The following PARVA variants were observed in gnomAD, a reference collection of about 807,000 sequenced individuals.
PARVA encodes alpha-parvin.
A neutral mutation model predicts 52.6 loss-of-function variants in PARVA; 25 were observed. The observed-to-expected ratio is 0.48, with a 90% confidence interval of 0.35 to 0.66. The LOEUF is 0.66. Ranked by LOEUF, PARVA falls within the 30% of genes least tolerant of loss-of-function variation. PARVA has a pLI of 0.01. For missense variants in PARVA, 373 were observed against 450.9 expected, an observed-to-expected ratio of 0.83 and a Z score of 1.56; for synonymous variants, 185 against 179.1, an observed-to-expected ratio of 1.03 and a Z score of -0.26.
chr11:12,449,820 G>T (rs1940599810), intron 1 of PARVA, among the ~76,000 whole-genome samples: 1 of 152,182 alleles, frequency 6.6e-6, no homozygotes. Context: ...CACAACAAGG[G>T]ATTATCCTGT....
intron 8 of PARVA, among the ~76,000 whole-genome samples, chr11:12,512,230 G>A (rs1941511610): frequency 6.6e-6 from 1 of 152,202 alleles, no homozygotes; most frequent in Non-Finnish European, 1.5e-5. Context: ...AATAAAGGAA[G>A]ACATGCATGA....
At chr11:12,494,894 A>T (rs1266250463) in intron 4 of PARVA, among the ~76,000 whole-genome samples, 2 of 152,210 alleles carry the variant, frequency 1.3e-5, no homozygotes, top group Non-Finnish European at 2.9e-5. Context: ...TTTGCCTCTG[A>T]GCCAAGATAA....
At chr11:12,431,692 T>C (rs2134994712) in intron 1 of PARVA, among the ~76,000 whole-genome samples, 1 of 152,364 alleles carries the variant, frequency 6.6e-6, no homozygotes, top group Non-Finnish European at 1.5e-5. Context: ...GACCCTGTGC[T>C]CAGCTGGGCC....
rs370087929 is a variant in PARVA, at chr11:12,482,506, A to G, written c.400+4557A>G. Among the ~76,000 whole-genome samples the G allele has an allele frequency of 2.2e-4, 34 of 151,358 alleles. No homozygotes were observed. The East Asian group carries it at 6.1e-3, about 27-fold the overall frequency. ...CCAGGCGTGGTGGTGGGCACCTGCA[A>G]TCCCAGCTACTTGGGAGGCTGAGGC... On this transcript the variant is annotated intron_variant, in intron 4 of 12. Coordinates refer to ENST00000334956, the MANE Select transcript of PARVA (RefSeq NM_018222.5).
chr11:12,463,301 C>G (rs1013269695), intron 1 of PARVA, among the ~76,000 whole-genome samples: 13 of 152,096 alleles, frequency 8.5e-5, no homozygotes, highest in African/African-American at 3.1e-4. Context: ...TTAACATACT[C>G]TATCTGTTCC....
At chr11:12,380,279 T>G (rs564061506) in intron 1 of PARVA, among the ~76,000 whole-genome samples, 1 of 142,800 alleles carries the variant, frequency 7.0e-6, no homozygotes, top group East Asian at 1.9e-4. Context: ...TAAGAAGGGA[T>G]GCTGAGGTCC....
intron 1 of PARVA, among the ~76,000 whole-genome samples, chr11:12,441,929 A>G (rs1332197450): frequency 6.6e-6 from 1 of 152,252 alleles, no homozygotes; most frequent in African/African-American, 2.4e-5. Flanking sequence ...GTCAAAAAAT[A>G]GCATGTGGTA....
chr11:12,384,714 G>T (rs1939546267), intron 1 of PARVA, among the ~76,000 whole-genome samples: 2 of 152,260 alleles, frequency 1.3e-5, no homozygotes, highest in Admixed American at 6.5e-5. Context: ...CAGATGCAAA[G>T]ACCTTGGGGC....
chr11:12,393,482 CATTGTTTTTG>C (rs1939691357), intron 1 of PARVA, among the ~76,000 whole-genome samples: 1 of 152,134 alleles, frequency 6.6e-6, no homozygotes, highest in Non-Finnish European at 1.5e-5. Flanking sequence ...AACCTGGTGG[CATTGTTTTTG>C]ATTGAGTTGT....
intron 1 of PARVA, among the ~76,000 whole-genome samples, chr11:12,459,602 T>A (rs1589965517): frequency 6.6e-6 from 1 of 152,228 alleles, no homozygotes; most frequent in East Asian, 1.9e-4. Flanking sequence ...TACCTAAACG[T>A]TCAACAGTTA....
intron 12 of PARVA, among the ~76,000 whole-genome samples, chr11:12,521,509 G>A (rs77269431): frequency 0.025 from 3,814 of 152,232 alleles, 122 homozygotes; most frequent in South Asian, 0.11. Context: ...TTTGTAATAC[G>A]CTATAAAATA....
intron 12 of PARVA, among the ~76,000 whole-genome samples, chr11:12,525,200 G>A (rs1941685242): frequency 6.6e-6 from 1 of 152,176 alleles, no homozygotes; most frequent in Admixed American, 6.5e-5. Flanking sequence ...CACAATTTAG[G>A]ATTTTGGACC....
At chr11:12,395,468 G>A (rs775508904) in intron 1 of PARVA, among the ~76,000 whole-genome samples, 3 of 152,160 alleles carry the variant, frequency 2.0e-5, no homozygotes, top group Non-Finnish European at 2.9e-5. Flanking sequence ...GAAGATGAGC[G>A]CCGGAGCCTC....
At chr11:12,389,328 A>T (rs997345410) in intron 1 of PARVA, among the ~76,000 whole-genome samples, 4 of 152,056 alleles carry the variant, frequency 2.6e-5, no homozygotes, top group African/African-American at 9.7e-5. Context: ...TGCCCTGGGG[A>T]CTGCCATCCT....
At chr11:12,452,017 A>G (rs1390057215) in intron 1 of PARVA, among the ~76,000 whole-genome samples, 1 of 151,884 alleles carries the variant, frequency 6.6e-6, no homozygotes, top group Non-Finnish European at 1.5e-5. Flanking sequence ...CCTTTTCCAA[A>G]AGGGTGAAGT....
intron 4 of PARVA, among the ~76,000 whole-genome samples, chr11:12,495,778 G>A (rs1451862665): frequency 6.6e-6 from 1 of 152,098 alleles, no homozygotes. Context: ...TATACTTTTT[G>A]AAGGTGCTCA....
chr11:12,484,550 G>GTGTGTGTGTGTGTGTGTGTGT, intron 4 of PARVA, among the ~76,000 whole-genome samples: 1 of 124,952 alleles, frequency 8.0e-6, no homozygotes, highest in Admixed American at 8.1e-5. Context: ...TGTGTGTGTG[G>GTGTGTGTGTGTGTGTGTGTGT]TTTTCTTTTT....
chr11:12,436,150 A>G (rs554131618), intron 1 of PARVA, among the ~76,000 whole-genome samples: 20 of 152,286 alleles, frequency 1.3e-4, no homozygotes, highest in Admixed American at 7.2e-4. Flanking sequence ...ATAGATAGCA[A>G]TATCTCCCTC....
intron 1 of PARVA, among the ~76,000 whole-genome samples, chr11:12,452,481 A>G (rs1940636144): frequency 6.6e-6 from 1 of 152,222 alleles, no homozygotes; most frequent in African/African-American, 2.4e-5. Context: ...AGAGCACAGC[A>G]TAGCCACTCT....
Sources: allele counts gnomAD v4.1 joint callset (sites outside exome capture counted in the v4.1 genomes callset), GRCh38; gene constraint gnomAD v4.1.1; transcripts MANE v1.5; gene names NCBI Gene and HGNC (gene_info 2026-07-23, HGNC 2026-07-21).